MEIS2: variants seen among roughly 807,000 people sequenced by gnomAD.
MEIS2 encodes the protein homeobox protein Meis2.
In MEIS2, 9 loss-of-function variants were observed where a neutral mutation model predicts 58.6. That is an observed-to-expected ratio of 0.15 (90% confidence interval 0.09 to 0.27). MEIS2 has a LOEUF of 0.27. Ranked by LOEUF, MEIS2 falls within the 10% of genes least tolerant of loss-of-function variation. The probability of loss-of-function intolerance (pLI) is 1.00; values close to 1 mark genes in which losing one functional copy is unlikely to be tolerated. For synonymous variants in MEIS2, 221 were observed against 228.4 expected, an observed-to-expected ratio of 0.97 and a Z score of 0.29; for missense variants, 427 against 635.0, an observed-to-expected ratio of 0.67 and a Z score of 3.52.
At chr15:37,020,204 C>A (rs1021550008) in intron 8 of MEIS2, among the ~76,000 whole-genome samples, 11 of 152,036 alleles carry the variant, frequency 7.2e-5, no homozygotes, top group Admixed American at 7.2e-4. Context: ...CTCTACAAAG[C>A]GTGTATTAAT....
intron 8 of MEIS2, among the ~76,000 whole-genome samples, chr15:37,033,121 C>G (rs1183959872): frequency 6.6e-6 from 1 of 152,118 alleles, no homozygotes; most frequent in Admixed American, 6.5e-5. Flanking sequence ...CTACAGTTGG[C>G]CTTTGTTGAG....
intron 8 of MEIS2, among the ~76,000 whole-genome samples, chr15:37,013,646 G>A (rs983540975): frequency 1.3e-5 from 2 of 149,178 alleles, no homozygotes; most frequent in African/African-American, 2.5e-5. Flanking sequence ...ATATATTCTA[G>A]GAGGAACTCA....
intron 8 of MEIS2, among the ~76,000 whole-genome samples, chr15:36,975,904 G>A (rs899865177): frequency 6.6e-6 from 1 of 152,162 alleles, no homozygotes; most frequent in African/African-American, 2.4e-5. Context: ...GTGAGGGAAT[G>A]CATATATTAA....
At chr15:37,062,895 G>T (rs975567610) in intron 7 of MEIS2, among the ~76,000 whole-genome samples, 17 of 152,298 alleles carry the variant, frequency 1.1e-4, no homozygotes, top group Admixed American at 3.9e-4. Flanking sequence ...TTGAAATGAT[G>T]TCAGAGAAAT....
At chr15:36,930,244 T>C (rs1470051144) in intron 9 of MEIS2, among the ~76,000 whole-genome samples, 3 of 134,508 alleles carry the variant, frequency 2.2e-5, no homozygotes, top group African/African-American at 9.0e-5. Context: ...AAAAAAAAAG[T>C]TATCCACAGA....
chr15:36,973,775 A>G (rs2059648904), intron 8 of MEIS2, among the ~76,000 whole-genome samples: 1 of 152,124 alleles, frequency 6.6e-6, no homozygotes, highest in African/African-American at 2.4e-5. Flanking sequence ...AAAAAACCCT[A>G]AAAACTAATG....
chr15:37,089,319 T>C (rs1004755422), intron 6 of MEIS2, among the ~76,000 whole-genome samples: 8 of 152,136 alleles, frequency 5.3e-5, no homozygotes, highest in Non-Finnish European at 7.4e-5. Flanking sequence ...CTTGAACCTA[T>C]CCCACCCCTC....
intron 9 of MEIS2, among the ~76,000 whole-genome samples, chr15:36,906,485 T>A (rs1311191263): frequency 6.6e-6 from 1 of 151,704 alleles, no homozygotes; most frequent in Non-Finnish European, 1.5e-5. Flanking sequence ...AGAGGATAAG[T>A]CTGAGAATTT....
intron 8 of MEIS2, among the ~76,000 whole-genome samples, chr15:36,951,995 T>G (rs1353622995): frequency 2.0e-5 from 3 of 152,178 alleles, no homozygotes; most frequent in African/African-American, 7.2e-5. Context: ...GCTGCTTTGG[T>G]CACTCACACT....
intron 8 of MEIS2, among the ~76,000 whole-genome samples, chr15:37,017,082 G>A (rs925460390): frequency 1.3e-5 from 2 of 151,964 alleles, no homozygotes; most frequent in African/African-American, 4.8e-5. Flanking sequence ...AGTTTTATTA[G>A]GGCAAAAAAG....
At chr15:37,092,792 G>GAGAGAAT (rs1312686108) in intron 6 of MEIS2, among the ~76,000 whole-genome samples, 2 of 115,718 alleles carry the variant, frequency 1.7e-5, no homozygotes, top group Non-Finnish European at 3.2e-5. Flanking sequence ...ATTAGAAACA[G>GAGAGAAT]AGAGAATAGA....
Position 36,950,568 on chromosome 15 carries a change from AAACCTGTATT to A in MEIS2, c.901-178_901-169del, listed in dbSNP as rs138588757. Among the ~76,000 whole-genome samples, 897 of 152,216 alleles carry A rather than the reference AAACCTGTATT, an allele frequency of 5.9e-3. 9 individuals carry two copies. The highest frequency in any genetic ancestry group is 0.02 in the African/African-American group (835 of 41,540). ...AATGTGGGCAGGGACAAGAACCCAG[AAACCTGTATT>A]AGCAGCCCCATGTTTCTGTCATACT... On this transcript the variant is annotated intron_variant, in intron 8 of 11. Transcript: ENST00000561208.
intron 7 of MEIS2, chr15:37,066,364 T>G (rs1889925712): frequency 6.6e-6 from 1 of 152,176 alleles, no homozygotes; most frequent in Non-Finnish European, 1.5e-5. Context: ...CTTAATTAAA[T>G]TTTACATCAT....
intron 7 of MEIS2, among the ~76,000 whole-genome samples, chr15:37,049,785 C>A (rs1341720431): frequency 1.3e-5 from 2 of 150,168 alleles, no homozygotes; most frequent in African/African-American, 4.9e-5. Flanking sequence ...CCGCAGCTGG[C>A]CTTTTTTTTT....
At chr15:36,906,814 C>T (rs545575086) in intron 9 of MEIS2, among the ~76,000 whole-genome samples, 1 of 152,286 alleles carries the variant, frequency 6.6e-6, no homozygotes, top group East Asian at 1.9e-4. Context: ...AAAAAAATTA[C>T]TTCCTTCCTC....
At chr15:37,032,250 T>C (rs1025903464) in intron 8 of MEIS2, among the ~76,000 whole-genome samples, 1 of 152,182 alleles carries the variant, frequency 6.6e-6, no homozygotes, top group African/African-American at 2.4e-5. Context: ...TCTTTGTGTA[T>C]GAGCACTTCC....
rs200972390 is a variant in MEIS2, at chr15:36,946,422, GAAA to G, written c.977+3899_977+3901del. 2.7e-4 allele frequency among the ~76,000 whole-genome samples: 19 copies of G among 71,500 alleles called. No homozygotes were observed. In the East Asian group the frequency reaches 3.0e-3, roughly 11 times the overall value. 46.9% of individuals were successfully genotyped at this position (71,500 alleles called of 152,430 possible). ...ACCTCCCTGCCATCAAAGAACTGTAGAAAAAAAAAAAAAAAACTATCATCTGAG... is the reference window on the plus strand; with the variant it reads ...ACCTCCCTGCCATCAAAGAACTGTAGAAAAAAAAAAAAACTATCATCTGAG... On this transcript the variant is annotated intron_variant, in intron 9 of 11. Coordinates refer to ENST00000561208, the MANE Select transcript of MEIS2 (RefSeq NM_170675.5).
At chr15:36,899,862 G>T (rs912241638) in intron 9 of MEIS2, among the ~76,000 whole-genome samples, 1 of 152,162 alleles carries the variant, frequency 6.6e-6, no homozygotes, top group Non-Finnish European at 1.5e-5. Flanking sequence ...TTTCACACGG[G>T]TTTAAAAAAT....
At chr15:37,081,339 C>T (rs1567272001) in intron 7 of MEIS2, among the ~76,000 whole-genome samples, 1 of 152,134 alleles carries the variant, frequency 6.6e-6, no homozygotes, top group African/African-American at 2.4e-5. Flanking sequence ...TTCTCTCCCA[C>T]GTTTTCCATT....
Sources: gnomAD v4.1 joint callset for allele counts (sites outside exome capture counted in the v4.1 genomes callset) on GRCh38, gnomAD v4.1.1 for gene constraint, MANE v1.5 for transcripts, NCBI Gene and HGNC (gene_info 2026-07-23, HGNC 2026-07-21) for gene names.